The following TBC1D8 variants were observed in gnomAD, a reference collection of about 807,000 sequenced individuals.
TBC1D8 encodes TBC1 domain family member 8.
Under a neutral mutation model 118.8 loss-of-function variants are expected in TBC1D8, and 65 were observed. That is an observed-to-expected ratio of 0.55 (90% CI 0.45 to 0.67). TBC1D8 has a LOEUF of 0.67. Among genes scored for constraint, TBC1D8 ranks in the 30% least tolerant of loss-of-function variants. The probability of loss-of-function intolerance (pLI) is 0.00; values close to 1 mark genes in which losing one functional copy is unlikely to be tolerated. For missense variants in TBC1D8, 1,376 were observed against 1,471.2 expected (o/e 0.94, Z 1.06); for synonymous variants, 566 against 595.8 (o/e 0.95, Z 0.73).
chr2:101,036,434 T>C (rs1354039347), intron 8 of TBC1D8, among the ~76,000 whole-genome samples: 1 of 147,110 alleles, frequency 6.8e-6, no homozygotes, highest in Non-Finnish European at 1.5e-5. Flanking sequence ...ACGATTTCCT[T>C]AGCAAGGCTG....
intron 1 of TBC1D8, among the ~76,000 whole-genome samples, chr2:101,134,748 C>G (rs1678763540): frequency 6.6e-6 from 1 of 152,218 alleles, no homozygotes; most frequent in South Asian, 2.1e-4. Flanking sequence ...CACTGGAGGT[C>G]ACAGCTTCAA....
chr2:101,089,780 T>C (rs1018419983), intron 2 of TBC1D8, among the ~76,000 whole-genome samples: 2 of 151,712 alleles, frequency 1.3e-5, no homozygotes, highest in African/African-American at 4.8e-5. Context: ...AGGAGCACAT[T>C]GGTAAGTCAG....
In TBC1D8 at chr2:101,036,081, G is replaced by C; in HGVS notation, c.1540C>G (p.Arg514Gly). ...TVCMFRTEKI[R>G]KLVAMGIPES... ...GGGATGCCCATGGCTACGAGCTTCC[G>C]AATCTTCTCTGTGCGAAACATACAC... is the stretch of plus-strand genomic sequence containing the variant. Residue 514 changes from arginine to glycine, a missense_variant, in exon 9 of 20, where the codon CGG becomes GGG. Physicochemically the swap from Arg to Gly is moderately radical, Grantham distance 125. Coordinates refer to ENST00000409318, the MANE Select transcript of TBC1D8 (RefSeq NM_001330348.2). 1 of 1,613,978 alleles carries C rather than the reference G, an allele frequency of 6.2e-7. No homozygotes were observed. Among genetic ancestry groups the C allele is most frequent in the Non-Finnish European group, 8.5e-7 (1 of 1,179,896 alleles).
Position 101,151,051 on chromosome 2 carries a change from G to C in TBC1D8, c.127+76C>G, listed in dbSNP as rs1052059589. On this transcript the variant is annotated intron_variant, in intron 1 of 19. Transcript: ENST00000409318. ...AAATCGCCTCTGGCGACGCAGCCCG[G>C]GACTGGGGGCCGCGGGCCCGGCGGG... 146 of 954,310 alleles carry C rather than the reference G, an allele frequency of 1.5e-4. 1 individual carries two copies. In the Admixed American group the frequency reaches 3.9e-3, roughly 25 times the overall value. 59.1% of individuals were successfully genotyped at this position (954,310 alleles called of 1,614,324 possible).
At chr2:101,086,239 AGTTAT>A (rs1210733438) in intron 2 of TBC1D8, among the ~76,000 whole-genome samples, 1 of 152,214 alleles carries the variant, frequency 6.6e-6, no homozygotes, top group African/African-American at 2.4e-5. Context: ...AACTCAAAAG[AGTTAT>A]GAGCTGAATG....
chr2:101,070,502 T>C (rs1683254938), intron 2 of TBC1D8, among the ~76,000 whole-genome samples: 1 of 151,242 alleles, frequency 6.6e-6, no homozygotes, highest in East Asian at 2.0e-4. Flanking sequence ...AACCTCCGCC[T>C]CTCAGGTTCA....
chr2:101,017,947 C>T (rs1679775064), intron 17 of TBC1D8: 2 of 1,549,812 alleles, frequency 1.3e-6, no homozygotes, highest in Admixed American at 2.0e-5. Context: ...ATTTTCTTCT[C>T]TACTTGGTGA....
Position 101,059,455 on chromosome 2 carries a change from T to C in TBC1D8, c.368A>G (p.Asp123Gly). 1.2e-6 allele frequency: 2 copies of C among 1,613,920 alleles called. No individual in the cohort carries two copies. The highest frequency in any genetic ancestry group is 1.7e-6 in the Non-Finnish European group (2 of 1,179,846). The change falls in exon 3 of 20, where the codon GAT becomes GGT. Residue 123 changes from aspartate (D) to glycine (G), a missense_variant. Physicochemically the swap from Asp to Gly is moderately conservative, Grantham distance 94. Coordinates refer to ENST00000409318, the MANE Select transcript of TBC1D8 (RefSeq NM_001330348.2). ...CCCTTTGACAAAACTGGCAATGTCA[T>C]CTTTATTATCAAAGACAGACAAGGT... Reference protein sequence around the residue: ...LHTLSVFDNKDDIASFVKGKV... With the variant: ...LHTLSVFDNKGDIASFVKGKV...
At chr2:101,063,154 A>C (rs1047587080) in intron 2 of TBC1D8, among the ~76,000 whole-genome samples, 2 of 152,204 alleles carry the variant, frequency 1.3e-5, no homozygotes, top group African/African-American at 4.8e-5. Context: ...AACTGATACC[A>C]GCTAACCGCA....
At chr2:101,010,612 C>A (rs58013398) in intron 19 of TBC1D8, among the ~76,000 whole-genome samples, 3,217 of 151,814 alleles carry the variant, frequency 0.021, 137 homozygotes, top group African/African-American at 0.073. Context: ...CGGTCGGGCG[C>A]GGTGGCTCAA....
At chr2:101,020,060 G>A (rs1454930556) in intron 17 of TBC1D8, among the ~76,000 whole-genome samples, 1 of 129,602 alleles carries the variant, frequency 7.7e-6, no homozygotes, top group Non-Finnish European at 1.6e-5. Flanking sequence ...GCCACAGAGC[G>A]AAACTCCGTC....
intron 1 of TBC1D8, among the ~76,000 whole-genome samples, 186 bp from the exon 2 acceptor site, chr2:101,090,550 A>G: frequency 6.6e-6 from 1 of 152,250 alleles, no homozygotes. Context: ...CTGCATCCGC[A>G]GCAGGACCTG....
At chr2:101,123,447 G>T (rs1287257426) in intron 1 of TBC1D8, among the ~76,000 whole-genome samples, 2 of 152,064 alleles carry the variant, frequency 1.3e-5, no homozygotes, top group African/African-American at 4.8e-5. Flanking sequence ...TTCAGAGTAG[G>T]CCACAACCAC....
chr2:101,131,823 G>GA (rs931442638), intron 1 of TBC1D8, among the ~76,000 whole-genome samples: 1 of 151,322 alleles, frequency 6.6e-6, no homozygotes, highest in African/African-American at 2.4e-5. Context: ...TCAAAAAAAA[G>GA]AAAAAAAACA....
At chr2:101,110,842 C>T (rs1295308073) in intron 1 of TBC1D8, among the ~76,000 whole-genome samples, 3 of 152,042 alleles carry the variant, frequency 2.0e-5, no homozygotes, top group African/African-American at 7.2e-5. Flanking sequence ...GGCAGGGTGG[C>T]ACACACCTGT....
chr2:101,022,186 C>G, intron 16 of TBC1D8, 95 bp downstream of exon 16: 1 of 1,567,170 alleles, frequency 6.4e-7, no homozygotes, highest in Non-Finnish European at 8.6e-7. Flanking sequence ...AAGTGTTACA[C>G]CATGTGCATC....
intron 5 of TBC1D8, among the ~76,000 whole-genome samples, chr2:101,047,548 G>A (rs1011957493): frequency 1.3e-5 from 2 of 152,334 alleles, no homozygotes; most frequent in South Asian, 4.1e-4. Flanking sequence ...ACAGGCCCAC[G>A]TCTCCATGAC....
At chr2:101,026,751 AAACTCTAG>A (rs1281807860) in intron 15 of TBC1D8, among the ~76,000 whole-genome samples, 1 of 152,246 alleles carries the variant, frequency 6.6e-6, no homozygotes, top group Non-Finnish European at 1.5e-5. Context: ...TTGAGCAAGA[AAACTCTAG>A]TAATGTGCCT....
At chr2:101,136,298 T>G (rs142719958) in intron 1 of TBC1D8, among the ~76,000 whole-genome samples, 5 of 152,204 alleles carry the variant, frequency 3.3e-5, no homozygotes, top group African/African-American at 1.2e-4. Context: ...AAGAACTGAT[T>G]GTTAAAACGA....
Sources: allele counts gnomAD v4.1 joint callset (sites outside exome capture counted in the v4.1 genomes callset), GRCh38; gene constraint gnomAD v4.1.1; transcripts MANE v1.5; gene names NCBI Gene and HGNC (gene_info 2026-07-23, HGNC 2026-07-21).